The following BZW2 variants were observed in gnomAD, a reference collection of about 807,000 sequenced individuals.
The protein encoded by BZW2 is eIF5-mimic protein 1.
A neutral mutation model predicts 53.2 loss-of-function variants in BZW2; 23 were observed. That is an observed-to-expected ratio of 0.43 (90% CI 0.31 to 0.61). BZW2 has a LOEUF of 0.61. BZW2 is among the 20% of genes least tolerant of loss of function. The pLI is 0.09. For missense variants in BZW2, 409 were observed against 503.1 expected (o/e 0.81, Z 1.79); for synonymous variants, 227 against 186.4 (o/e 1.22, Z -1.77).
chr7:16,704,474 C>G, intron 10 of BZW2, 73 bp from the exon 11 acceptor site: 1 of 1,371,614 alleles, frequency 7.3e-7, no homozygotes. Flanking sequence ...TTCTATTAAA[C>G]TGTAATACAT....
chr7:16,655,983 G>A (rs1782110238), intron 1 of BZW2, among the ~76,000 whole-genome samples: 2 of 150,402 alleles, frequency 1.3e-5, no homozygotes, highest in Non-Finnish European at 3.0e-5. Context: ...TTTTCTTACA[G>A]AACCACAGTG....
chr7:16,675,352 C>T (rs1722725), intron 3 of BZW2, among the ~76,000 whole-genome samples: 3,498 of 152,134 alleles, frequency 0.023, 55 homozygotes, highest in African/African-American at 0.05. Flanking sequence ...AAGACTTAAG[C>T]GGGGAGGGCA....
chr7:16,653,629 T>C (rs1055626237), intron 1 of BZW2, among the ~76,000 whole-genome samples: 5 of 152,228 alleles, frequency 3.3e-5, no homozygotes, highest in African/African-American at 7.2e-5. Context: ...TGTATTTAGG[T>C]ATCTTCCAGT....
At chr7:16,676,338 C>T (rs1363263883) in intron 3 of BZW2, among the ~76,000 whole-genome samples, 3 of 152,198 alleles carry the variant, frequency 2.0e-5, no homozygotes, top group South Asian at 2.1e-4. Flanking sequence ...CACCTGAGAT[C>T]GGGAGTTCGA....
Position 16,698,062 on chromosome 7 carries a change from G to A in BZW2, c.984G>A (p.Leu328=), listed in dbSNP as rs759549226. The A allele has an allele frequency of 1.9e-6, 3 of 1,614,070 alleles. No homozygotes were observed. The highest frequency in any genetic ancestry group is 1.1e-5 in the South Asian group (1 of 91,076). The stretch of plus-strand genomic sequence containing the variant: ...TTCTGTTCTAGCAATATGCTCCCCT[G>A]CTGGCCGTGTTCAGCTCCCAAGGCC... ...ALKHLKQYAP[L]LAVFSSQGQS... is the part of the protein sequence containing the mutation. The change falls in exon 10 of 12, where the codon CTG becomes CTA. Residue 328 remains leucine, a synonymous_variant. Coordinates refer to ENST00000258761, the MANE Select transcript of BZW2 (RefSeq NM_014038.3).
intron 2 of BZW2, among the ~76,000 whole-genome samples, chr7:16,671,685 CT>C (rs1282819092): frequency 1.3e-5 from 2 of 152,136 alleles, no homozygotes; most frequent in Non-Finnish European, 2.9e-5. Context: ...AATCCGAGTA[CT>C]TTGGGAGGCC....
rs1397720931 is a variant in BZW2, at chr7:16,700,103, G to A, written c.1108+1917G>A. Reference sequence around the variant, plus strand: ...TTTTATTTCTGCCTTAGTTATTTTTGGAAATGAAATTGGGAAACTTTTTTA... The same window carrying A: ...TTTTATTTCTGCCTTAGTTATTTTTAGAAATGAAATTGGGAAACTTTTTTA... On this transcript the variant is annotated intron_variant, in intron 10 of 11. Coordinates refer to ENST00000258761, the MANE Select transcript of BZW2 (RefSeq NM_014038.3). Among the ~76,000 whole-genome samples, 3 of 152,020 alleles carry A rather than the reference G, an allele frequency of 2.0e-5. 1 individual carries two copies. The East Asian group carries it at 5.8e-4, about 29-fold the overall frequency.
chr7:16,677,080 G>A (rs948342172), intron 3 of BZW2, among the ~76,000 whole-genome samples: 11 of 141,230 alleles, frequency 7.8e-5, no homozygotes, highest in Admixed American at 5.1e-4. Flanking sequence ...GCAGTTGCAA[G>A]ATTTAATGGA....
At chr7:16,694,311 G>T (rs1053024048) in intron 7 of BZW2, among the ~76,000 whole-genome samples, 1 of 152,156 alleles carries the variant, frequency 6.6e-6, no homozygotes, top group African/African-American at 2.4e-5. Context: ...ATACAGAAAA[G>T]GAACTTATTT....
At chr7:16,672,071 GT>G (rs915770936) in intron 2 of BZW2, among the ~76,000 whole-genome samples, 1 of 151,856 alleles carries the variant, frequency 6.6e-6, no homozygotes, top group Non-Finnish European at 1.5e-5. Flanking sequence ...CATACCACTT[GT>G]TTTTTTATCA....
chr7:16,690,140 A>G (rs761272964), intron 7 of BZW2, among the ~76,000 whole-genome samples: 4 of 152,136 alleles, frequency 2.6e-5, no homozygotes, highest in Non-Finnish European at 5.9e-5. Flanking sequence ...CAAATTTGTA[A>G]GTTTGTTGAC....
rs372198084 is a variant in BZW2 at position 16,678,122 on chromosome 7, G to A, written c.236-3179G>A. On this transcript the variant is annotated intron_variant, in intron 3 of 11. Coordinates refer to ENST00000258761, the MANE Select transcript of BZW2 (RefSeq NM_014038.3). ...TTTTTTTTTTTTTTTTAATGCTGTC[G>A]CCCAGGCTGGAGTGTTGGCTCACTG... Among the ~76,000 whole-genome samples, 41 of 105,058 alleles carry A rather than the reference G, an allele frequency of 3.9e-4. 1 individual carries two copies. Among genetic ancestry groups the A allele is most frequent in the African/African-American group, 1.2e-3 (32 of 26,896 alleles). The allele number at this position is 105,058 out of a possible 152,430, so 68.9% of individuals were successfully genotyped here.
At chr7:16,703,255 G>T (rs1026868404) in intron 10 of BZW2, among the ~76,000 whole-genome samples, 2 of 152,112 alleles carry the variant, frequency 1.3e-5, no homozygotes, top group African/African-American at 4.8e-5. Context: ...CAGACTTCTT[G>T]CTTCCTTTGC....
chr7:16,654,195 A>C (rs1189003431), intron 1 of BZW2, among the ~76,000 whole-genome samples: 2 of 151,410 alleles, frequency 1.3e-5, no homozygotes, highest in Admixed American at 1.3e-4. Context: ...GTGCCACTAC[A>C]CTCCAGCCTG....
intron 1 of BZW2, among the ~76,000 whole-genome samples, chr7:16,653,915 G>C (rs1423483880): frequency 6.6e-6 from 1 of 151,780 alleles, no homozygotes; most frequent in Non-Finnish European, 1.5e-5. Flanking sequence ...TGCCATCAGT[G>C]TGTTATTACT....
intron 8 of BZW2, chr7:16,695,809 G>A (rs1333992262): frequency 2.0e-5 from 3 of 152,124 alleles, no homozygotes; most frequent in Non-Finnish European, 4.4e-5. Context: ...GGAGAATGTA[G>A]GACTGATACT....
chr7:16,674,686 A>G, intron 3 of BZW2, 98 bp downstream of exon 3: 1 of 1,076,098 alleles, frequency 9.3e-7, no homozygotes, highest in Non-Finnish European at 1.2e-6. Context: ...GTTTATGTTT[A>G]TTAGAGTTAA....
At chr7:16,646,558 A>G (rs1334771939) in intron 1 of BZW2, among the ~76,000 whole-genome samples, 1 of 152,178 alleles carries the variant, frequency 6.6e-6, no homozygotes, top group Non-Finnish European at 1.5e-5. Flanking sequence ...GGCGGGGGCC[A>G]GCCACGCGGT....
rs1286562852 is a variant in BZW2 at position 16,674,585 on chromosome 7, C to A, written c.232C>A (p.Leu78Ile). Residue 78 changes from leucine to isoleucine, a missense_variant, in exon 3 of 12, where the codon CTT becomes ATT. Leu to Ile is a conservative substitution (Grantham distance 5). Around this residue, in one of 3 missense-constraint regions of BZW2, gnomAD observed 316 missense variants for 366.8 expected, o/e 0.86. Transcript: ENST00000258761. ...LFDILVAGSM[L>I]APGGTRIDDG... is the part of the protein sequence containing the mutation. ...CGATATCCTGGTGGCTGGCAGTATG[C>A]TTGGTAAACCATGCATTATCGCTTC... 1 of 1,588,302 alleles carries A rather than the reference C, an allele frequency of 6.3e-7. No individual in the cohort carries two copies. The highest frequency in any genetic ancestry group is 1.2e-5 in the South Asian group (1 of 86,346).
Sources: allele counts gnomAD v4.1 joint callset (sites outside exome capture counted in the v4.1 genomes callset), GRCh38; gene constraint gnomAD v4.1.1; regional missense constraint gnomAD v4.1.1; transcripts MANE v1.5; gene names NCBI Gene and HGNC (gene_info 2026-07-23, HGNC 2026-07-21).